The following LTBP1 variants were observed in gnomAD, a reference collection of about 807,000 sequenced individuals.
LTBP1 encodes latent transforming growth factor beta binding protein 1.
In LTBP1, 129 loss-of-function variants were observed where a neutral mutation model predicts 207.6. That is an observed-to-expected ratio of 0.62 (90% CI 0.54 to 0.72). The LOEUF (loss-of-function observed/expected upper bound fraction) is 0.72. LTBP1 is among the 30% of genes least tolerant of loss of function. The pLI is 0.00. For missense variants in LTBP1, 2,281 were observed against 2,217.2 expected (o/e 1.03, Z -0.58); for synonymous variants, 963 against 833.7 (o/e 1.16, Z -2.67).
intron 7 of LTBP1, among the ~76,000 whole-genome samples, chr2:33,202,196 T>G (rs2089381076): frequency 1.3e-5 from 2 of 152,200 alleles, no homozygotes; most frequent in Non-Finnish European, 2.9e-5. Context: ...TGGCTGAAAT[T>G]ACTTTTTTTT....
intron 9 of LTBP1, among the ~76,000 whole-genome samples, chr2:33,237,105 T>C (rs1050044782): frequency 1.3e-5 from 2 of 152,074 alleles, no homozygotes; most frequent in Admixed American, 1.3e-4. Flanking sequence ...ACTCATACAA[T>C]AGTCTTTGAA....
chr2:33,203,592 T>C (rs1237289648), intron 7 of LTBP1, among the ~76,000 whole-genome samples: 2 of 152,194 alleles, frequency 1.3e-5, no homozygotes, highest in African/African-American at 4.8e-5. Flanking sequence ...AAGTATGTGT[T>C]TCTTCATTGG....
intron 3 of LTBP1, among the ~76,000 whole-genome samples, chr2:33,083,648 G>A (rs1057430167): frequency 6.6e-6 from 1 of 152,136 alleles, no homozygotes; most frequent in African/African-American, 2.4e-5. Context: ...TACAGCTCGT[G>A]CCCTGTGGAC....
At position 33,240,478 on chromosome 2, in the gene LTBP1, G is replaced by A. The variant is rs568678467; in HGVS notation, c.1877-3184G>A. ...CTTTACTTTAATTTAGAAAGCTTGT[G>A]ACTACCTGTCTAGGAAAAATCACTT... On this transcript the variant is annotated intron_variant, in intron 9 of 33. Transcript: ENST00000404816. Among the ~76,000 whole-genome samples, 4 of 152,146 alleles carry A rather than the reference G, an allele frequency of 2.6e-5. No individual in the cohort carries two copies. The East Asian group carries it at 7.7e-4, about 29-fold the overall frequency.
At chr2:33,291,101 A>G (rs1490730761) in intron 19 of LTBP1, among the ~76,000 whole-genome samples, 1 of 152,238 alleles carries the variant, frequency 6.6e-6, no homozygotes, top group African/African-American at 2.4e-5. Flanking sequence ...TTGGCTTGAC[A>G]GAATTCTGGT....
chr2:33,046,347 C>T (rs1297313353), intron 3 of LTBP1, among the ~76,000 whole-genome samples: 2 of 152,012 alleles, frequency 1.3e-5, no homozygotes, highest in African/African-American at 4.8e-5. Context: ...TTGTGGAAGG[C>T]CTTTTCTGCA....
intron 2 of LTBP1, among the ~76,000 whole-genome samples, chr2:32,998,619 T>G (rs1685660018): frequency 6.7e-6 from 1 of 150,042 alleles, no homozygotes; most frequent in Admixed American, 6.7e-5. Flanking sequence ...AATTTCTATG[T>G]TGAAACCCTA....
At chr2:33,249,015 C>T (rs1274085552) in intron 10 of LTBP1, among the ~76,000 whole-genome samples, 1 of 152,112 alleles carries the variant, frequency 6.6e-6, no homozygotes, top group African/African-American at 2.4e-5. Flanking sequence ...CACTCATCCC[C>T]ATAGATACTA....
intron 5 of LTBP1, among the ~76,000 whole-genome samples, chr2:33,144,940 A>T (rs966720098): frequency 1.3e-5 from 2 of 152,248 alleles, no homozygotes; most frequent in African/African-American, 4.8e-5. Flanking sequence ...TCAGCCACAT[A>T]GTCATCTTCA....
chr2:33,275,605 AC>A (rs1292965001), intron 17 of LTBP1, among the ~76,000 whole-genome samples, 195 bp from the exon 18 acceptor site: 15 of 151,764 alleles, frequency 9.9e-5, no homozygotes, highest in Non-Finnish European at 1.9e-4. Context: ...AATTGCTTAA[AC>A]CCAGGAGGTG....
intron 7 of LTBP1, among the ~76,000 whole-genome samples, chr2:33,191,163 A>G (rs945272246): frequency 3.9e-5 from 6 of 152,216 alleles, no homozygotes; most frequent in Non-Finnish European, 5.9e-5. Context: ...TGGAACACAG[A>G]TGATAAAAAG....
chr2:33,320,526 A>G (rs990690671), intron 24 of LTBP1, among the ~76,000 whole-genome samples: 1 of 152,194 alleles, frequency 6.6e-6, no homozygotes, highest in African/African-American at 2.4e-5. Context: ...AGTGAAAGAA[A>G]TACTGAAATT....
At chr2:33,081,728 C>G (rs1034168610) in intron 3 of LTBP1, among the ~76,000 whole-genome samples, 4 of 152,086 alleles carry the variant, frequency 2.6e-5, no homozygotes, top group African/African-American at 9.7e-5. Context: ...ATTGCAGTCC[C>G]CATAGTCCCC....
rs150438334 is a variant in LTBP1 at position 33,247,793 on chromosome 2, C to A, written c.1999+4009C>A. Among the ~76,000 whole-genome samples the A allele has an allele frequency of 2.7e-3, 415 of 152,352 alleles. 7 individuals are homozygous for A. Among genetic ancestry groups the A allele is most frequent in the African/African-American group, 9.0e-3 (374 of 41,584 alleles). On this transcript the variant is annotated intron_variant, in intron 10 of 33. Transcript: ENST00000404816. ...TTTTATTTAAATTTTATCCAAGGAG[C>A]AACATGTGGCTAGTGCCTAACATAT...
intron 11 of LTBP1, among the ~76,000 whole-genome samples, chr2:33,253,972 C>T (rs1227127907): frequency 6.8e-6 from 1 of 146,382 alleles, no homozygotes; most frequent in African/African-American, 2.6e-5. Flanking sequence ...TCACTGCAAG[C>T]TCCGCCTCCC....
At chr2:33,326,412 AC>A (rs2094427649) in intron 24 of LTBP1, among the ~76,000 whole-genome samples, 1 of 152,008 alleles carries the variant, frequency 6.6e-6, no homozygotes, top group Non-Finnish European at 1.5e-5. Flanking sequence ...TTTGAAACAA[AC>A]CACTTTCCCC....
chr2:33,346,045 C>A (rs144191756), intron 25 of LTBP1, among the ~76,000 whole-genome samples: 113 of 152,272 alleles, frequency 7.4e-4, no homozygotes, highest in Admixed American at 2.6e-3. Context: ...GATTCCTTCA[C>A]TGTATTTTAA....
intron 24 of LTBP1, among the ~76,000 whole-genome samples, chr2:33,324,103 A>G (rs1360430306): frequency 6.6e-6 from 1 of 152,102 alleles, no homozygotes; most frequent in African/African-American, 2.4e-5. Context: ...TATTGTTACT[A>G]TTTTAGCATT....
chr2:33,136,842 C>T (rs1558685868), intron 5 of LTBP1, among the ~76,000 whole-genome samples: 1 of 152,116 alleles, frequency 6.6e-6, no homozygotes, highest in Non-Finnish European at 1.5e-5. Context: ...ACTCAAAATG[C>T]AAAATGAAGC....
Sources: allele counts gnomAD v4.1 joint callset (sites outside exome capture counted in the v4.1 genomes callset), GRCh38; gene constraint gnomAD v4.1.1; transcripts MANE v1.5; gene names NCBI Gene and HGNC (gene_info 2026-07-23, HGNC 2026-07-21).